CAMTA1: variants seen among roughly 807,000 people sequenced by gnomAD.
The protein encoded by CAMTA1 is calmodulin-binding transcription activator 1.
A neutral mutation model predicts 170.9 loss-of-function variants in CAMTA1; 27 were observed. That is an observed-to-expected ratio of 0.16 (90% CI 0.12 to 0.22). The LOEUF is 0.22. Ranked by LOEUF, CAMTA1 falls within the 10% of genes least tolerant of loss-of-function variation. CAMTA1 has a pLI of 1.00. For synonymous variants in CAMTA1, 833 were observed against 891.5 expected, an observed-to-expected ratio of 0.93 and a Z score of 1.17; for missense variants, 1,619 against 2,217.2, an observed-to-expected ratio of 0.73 and a Z score of 5.42.
At chr1:7,099,350 C>T (rs890095238) in intron 4 of CAMTA1, among the ~76,000 whole-genome samples, 9 of 152,084 alleles carry the variant, frequency 5.9e-5, no homozygotes, top group African/African-American at 2.4e-5. Context: ...TGCGTCCGGC[C>T]CTCCCTTCTT....
intron 6 of CAMTA1, among the ~76,000 whole-genome samples, chr1:7,541,073 CAG>C (rs1309380864): frequency 6.6e-6 from 1 of 152,252 alleles, no homozygotes; most frequent in African/African-American, 2.4e-5. Context: ...CTGGGCAGGA[CAG>C]AGTGACCTTC....
chr1:7,176,785 C>T (rs1172953771), intron 4 of CAMTA1, among the ~76,000 whole-genome samples: 1 of 152,252 alleles, frequency 6.6e-6, no homozygotes, highest in Non-Finnish European at 1.5e-5. Context: ...GTCAGGCCAC[C>T]CCTGGCTGTG....
chr1:7,058,176 A>ATG lies in CAMTA1; in HGVS notation c.235-33128_235-33127insTG, dbSNP rs879459991. On this transcript the variant is annotated intron_variant, in intron 3 of 22. Coordinates refer to ENST00000303635, the MANE Select transcript of CAMTA1 (RefSeq NM_015215.4). ...GACCCTTTCCCCAGCACCCCGCATC[A>ATG]CGACGCATCTAGAATGTCCAGGACA... 6.5e-3 allele frequency among the ~76,000 whole-genome samples: 988 copies of ATG among 152,032 alleles called. 11 individuals carry two copies. The highest frequency in any genetic ancestry group is 0.02 in the Middle Eastern group (6 of 294).
intron 3 of CAMTA1, among the ~76,000 whole-genome samples, chr1:6,845,910 A>C (rs1343921553): frequency 6.6e-6 from 1 of 152,228 alleles, no homozygotes; most frequent in African/African-American, 2.4e-5. Context: ...ATGGACTCAC[A>C]ATTCCACATG....
Position 7,581,708 on chromosome 1 carries a change from G to A in CAMTA1, c.511-58692G>A, listed in dbSNP as rs140725102. On this transcript the variant is annotated intron_variant, in intron 6 of 22. Coordinates refer to ENST00000303635, the MANE Select transcript of CAMTA1 (RefSeq NM_015215.4). ...GTGGCCTAGGTTTCTGCTCCTCACCGGAGCTTTTGCGGTTCTGGCACTGGG... is the reference window on the plus strand; with the variant it reads ...GTGGCCTAGGTTTCTGCTCCTCACCAGAGCTTTTGCGGTTCTGGCACTGGG... 1.5e-3 allele frequency among the ~76,000 whole-genome samples: 231 copies of A among 152,346 alleles called. 2 individuals are homozygous for A. Among genetic ancestry groups the A allele is most frequent in the Non-Finnish European group, 1.9e-3 (131 of 68,030 alleles).
At chr1:7,666,979 C>T (rs1176873904) in intron 9 of CAMTA1, among the ~76,000 whole-genome samples, 1 of 152,296 alleles carries the variant, frequency 6.6e-6, no homozygotes, top group East Asian at 1.9e-4. Context: ...ACCTCCGCCT[C>T]CCAGGTTCAA....
intron 5 of CAMTA1, among the ~76,000 whole-genome samples, chr1:7,311,822 T>C (rs1285772675): frequency 6.6e-6 from 1 of 152,182 alleles, no homozygotes; most frequent in Non-Finnish European, 1.5e-5. Context: ...AAAGCCTTTG[T>C]TGTCCTGTGT....
At chr1:7,752,108 G>T (rs945444359) in intron 20 of CAMTA1, among the ~76,000 whole-genome samples, 3 of 152,216 alleles carry the variant, frequency 2.0e-5, no homozygotes, top group African/African-American at 7.2e-5. Context: ...GAATCACCTT[G>T]TAAACTAAGA....
At position 7,547,831 on chromosome 1, in the gene CAMTA1, C is replaced by CT. The variant is rs1183294730; in HGVS notation, c.510+79930_510+79931insT. 7.0e-6 allele frequency among the ~76,000 whole-genome samples: 1 copy of CT among 143,574 alleles called. No individual in the cohort carries two copies. The highest frequency in any genetic ancestry group is 1.9e-4 in the East Asian group (1 of 5,152). 94.2% of individuals were successfully genotyped at this position (143,574 alleles called of 152,430 possible). A position where few individuals can be genotyped will look rare whatever the true frequency, so the allele number is the denominator to read the frequency against. On this transcript the variant is annotated intron_variant, in intron 6 of 22. Coordinates refer to ENST00000303635, the MANE Select transcript of CAMTA1 (RefSeq NM_015215.4). The surrounding 1 kb of genome is among the most constrained non-coding windows in gnomAD (Gnocchi z 5.7). ...CACATCTCTGCCACCCCATGTGGGC[C>CT]CCCTCCAAACCCAGACTCTGACACC...
At chr1:6,974,165 A>G (rs971289523) in intron 3 of CAMTA1, among the ~76,000 whole-genome samples, 2 of 152,176 alleles carry the variant, frequency 1.3e-5, no homozygotes, top group Admixed American at 1.3e-4. Flanking sequence ...TCTCAGTGCC[A>G]GGAGCTGCAG....
intron 4 of CAMTA1, among the ~76,000 whole-genome samples, chr1:7,156,551 C>T (rs1223156387): frequency 6.6e-6 from 1 of 152,176 alleles, no homozygotes; most frequent in Admixed American, 6.5e-5. Context: ...AGGGCTCCTA[C>T]CTTGTTTGCA....
At chr1:6,791,972 C>CA in intron 1 of CAMTA1, among the ~76,000 whole-genome samples, 1 of 143,516 alleles carries the variant, frequency 7.0e-6, no homozygotes, top group South Asian at 2.2e-4. Flanking sequence ...TGTTTCTTTT[C>CA]TTTTTTTTTT....
At chr1:7,734,337 C>T (rs899145022) in intron 12 of CAMTA1, among the ~76,000 whole-genome samples, 2 of 152,144 alleles carry the variant, frequency 1.3e-5, no homozygotes, top group Non-Finnish European at 1.5e-5. Flanking sequence ...TTTCCTTTCA[C>T]CAACAAAAGT....
chr1:7,696,621 T>G (rs1474838474), intron 11 of CAMTA1, among the ~76,000 whole-genome samples: 1 of 152,186 alleles, frequency 6.6e-6, no homozygotes, highest in Non-Finnish European at 1.5e-5. Context: ...GTGACTCTAC[T>G]GGGCTGTAGG....
At chr1:6,902,079 A>AAAAAAAAT (rs796874602) in intron 3 of CAMTA1, among the ~76,000 whole-genome samples, 18 of 75,264 alleles carry the variant, frequency 2.4e-4, no homozygotes, top group African/African-American at 6.8e-4. Flanking sequence ...ACACAAAAAA[A>AAAAAAAAT]AAAATAAAAA....
At chr1:7,046,376 G>A (rs935418647) in intron 3 of CAMTA1, among the ~76,000 whole-genome samples, 1 of 152,200 alleles carries the variant, frequency 6.6e-6, no homozygotes, top group African/African-American at 2.4e-5. Context: ...CCAAGTCCCA[G>A]AGAACTCCCA....
rs570943735 is a variant in CAMTA1, at chr1:7,474,853, G to A, written c.510+6952G>A. On this transcript the variant is annotated intron_variant, in intron 6 of 22. Transcript: ENST00000303635. Reference sequence around the variant, plus strand: ...TGGCAACCCAAGTGTCTCCCCAGAAGTGCAGCCTCTCCCCGCACCCCACTC... The same window carrying A: ...TGGCAACCCAAGTGTCTCCCCAGAAATGCAGCCTCTCCCCGCACCCCACTC... Among the ~76,000 whole-genome samples, 4 of 152,338 alleles carry A rather than the reference G, an allele frequency of 2.6e-5. No individual in the cohort carries two copies. In the South Asian group the frequency reaches 8.3e-4, roughly 32 times the overall value.
intron 6 of CAMTA1, among the ~76,000 whole-genome samples, chr1:7,501,059 G>A (rs180821327): frequency 2.0e-5 from 3 of 152,252 alleles, no homozygotes; most frequent in African/African-American, 4.8e-5. Context: ...CCTCGGAAGC[G>A]GTTACCACCC....
At position 7,357,203 on chromosome 1, in the gene CAMTA1, G is replaced by A. The variant is rs572840410; in HGVS notation, c.438+107577G>A. On this transcript the variant is annotated intron_variant, in intron 5 of 22. Coordinates refer to ENST00000303635, the MANE Select transcript of CAMTA1 (RefSeq NM_015215.4). ...GGAGCATCCTACAGGGAGGAAAGAA[G>A]GCATCGAGGGATGCCCCGCCCTCCC... is the stretch of plus-strand genomic sequence containing the variant. Among the ~76,000 whole-genome samples the A allele has an allele frequency of 7.2e-5, 11 of 152,316 alleles. 1 individual carries two copies. The South Asian group carries it at 2.3e-3, about 32-fold the overall frequency.
Sources: gnomAD v4.1 joint callset for allele counts (sites outside exome capture counted in the v4.1 genomes callset) on GRCh38, gnomAD v4.1.1 for gene constraint, Gnocchi (gnomAD v3.1) non-coding constraint, MANE v1.5 for transcripts, NCBI Gene and HGNC (gene_info 2026-07-23, HGNC 2026-07-21) for gene names.